CDH4: variants seen among roughly 807,000 people sequenced by gnomAD.
CDH4 encodes the protein cadherin 4.
CDH4 carries 33 observed loss-of-function variants against 86.0 expected under a neutral mutation model. That is an observed-to-expected ratio of 0.38 (90% CI 0.29 to 0.51). CDH4 has a LOEUF of 0.51. Ranked by LOEUF, CDH4 falls within the 20% of genes least tolerant of loss-of-function variation. CDH4 has a pLI of 0.86. For synonymous variants in CDH4, 555 were observed against 549.4 expected, an observed-to-expected ratio of 1.01 and a Z score of -0.14; for missense variants, 1,114 against 1,307.4, an observed-to-expected ratio of 0.85 and a Z score of 2.28.
At chr20:61,635,074 G>C (rs991107424) in intron 2 of CDH4, among the ~76,000 whole-genome samples, 35 of 152,208 alleles carry the variant, frequency 2.3e-4, no homozygotes, top group Non-Finnish European at 4.3e-4. Flanking sequence ...GCCACATTTT[G>C]GTGATGTGAA....
intron 2 of CDH4, among the ~76,000 whole-genome samples, chr20:61,512,359 A>T (rs76527146): frequency 3.3e-5 from 5 of 152,192 alleles, no homozygotes; most frequent in Admixed American, 3.3e-4. Context: ...ATTGTCCCGC[A>T]TGGAAAACAG....
chr20:61,904,206 G>A (rs1323172961), intron 8 of CDH4, among the ~76,000 whole-genome samples: 3 of 152,198 alleles, frequency 2.0e-5, no homozygotes, highest in African/African-American at 7.2e-5. Flanking sequence ...AGGGGCATGA[G>A]GATCAGCACG....
chr20:61,758,962 C>T (rs1443154499), intron 3 of CDH4, among the ~76,000 whole-genome samples: 1 of 151,662 alleles, frequency 6.6e-6, no homozygotes, highest in Non-Finnish European at 1.5e-5. Flanking sequence ...TGAGTGTGCA[C>T]ATGTGCGCAT....
rs527710910 is a variant in CDH4, at chr20:61,582,102, G to C, written c.170-161461G>C. 6.6e-6 allele frequency among the ~76,000 whole-genome samples: 1 copy of C among 152,168 alleles called. No individual in the cohort carries two copies. Among genetic ancestry groups the C allele is most frequent in the Non-Finnish European group, 1.5e-5 (1 of 68,020 alleles). ...ATCCACTCCCTGTTTTACTTTGCTC[G>C]TGGCCATCATTACCATTGGCGGCAT... On this transcript the variant is annotated intron_variant, in intron 2 of 15. Transcript: ENST00000614565. The surrounding 1 kb of genome is among the most constrained non-coding windows in gnomAD (Gnocchi z 4.2).
chr20:61,745,091 C>T (rs948017929), intron 3 of CDH4, among the ~76,000 whole-genome samples: 9 of 152,210 alleles, frequency 5.9e-5, no homozygotes, highest in South Asian at 4.1e-4. Context: ...GTTTGAGATA[C>T]GGTGAGCAAA....
At chr20:61,798,967 T>C (rs1169952418) in intron 4 of CDH4, among the ~76,000 whole-genome samples, 1 of 152,254 alleles carries the variant, frequency 6.6e-6, no homozygotes, top group Non-Finnish European at 1.5e-5. Flanking sequence ...AGCTACTGTG[T>C]TGTGATCAAC....
At chr20:61,257,171 G>C (rs1049052687) in intron 2 of CDH4, among the ~76,000 whole-genome samples, 1 of 152,190 alleles carries the variant, frequency 6.6e-6, no homozygotes, top group Non-Finnish European at 1.5e-5. Context: ...TCACAGAGTG[G>C]CCATGTTCCT....
At chr20:61,687,796 C>T (rs772125397) in intron 2 of CDH4, among the ~76,000 whole-genome samples, 17 of 152,112 alleles carry the variant, frequency 1.1e-4, no homozygotes, top group Non-Finnish European at 1.9e-4. Context: ...ATGTGGTCCG[C>T]GGACTACAAT....
At position 61,269,879 on chromosome 20, in the gene CDH4, A is replaced by G. The variant is rs995411654; in HGVS notation, c.169+14942A>G. ...TCCAGAGCCAGTGGTACTCATTTCC[A>G]CATGGCCCCGGCTGTTGACGATGAC... On this transcript the variant is annotated intron_variant, in intron 2 of 15. Coordinates refer to ENST00000614565, the MANE Select transcript of CDH4 (RefSeq NM_001794.5). The surrounding 1 kb of genome is among the most constrained non-coding windows in gnomAD (Gnocchi z 5.3). 2.6e-5 allele frequency among the ~76,000 whole-genome samples: 4 copies of G among 152,146 alleles called. No individual in the cohort carries two copies. Among genetic ancestry groups the G allele is most frequent in the African/African-American group, 9.7e-5 (4 of 41,418 alleles).
intron 4 of CDH4, among the ~76,000 whole-genome samples, chr20:61,785,514 C>T (rs919939002): frequency 2.0e-5 from 3 of 152,188 alleles, no homozygotes; most frequent in East Asian, 1.9e-4. Context: ...CAGGTAGGAT[C>T]GTCTGGTGGA....
intron 2 of CDH4, among the ~76,000 whole-genome samples, chr20:61,569,558 A>G (rs1043490523): frequency 6.6e-6 from 1 of 152,196 alleles, no homozygotes; most frequent in African/African-American, 2.4e-5. Context: ...TAGATACTTC[A>G]GCATGTATTT....
intron 2 of CDH4, among the ~76,000 whole-genome samples, chr20:61,605,585 C>G (rs2086638211): frequency 6.6e-6 from 1 of 151,604 alleles, no homozygotes; most frequent in Non-Finnish European, 1.5e-5. Flanking sequence ...CTCTGCCTCC[C>G]TGTCTCTCCC....
intron 2 of CDH4, among the ~76,000 whole-genome samples, chr20:61,551,692 A>G (rs1338043915): frequency 1.3e-5 from 2 of 152,190 alleles, no homozygotes; most frequent in Non-Finnish European, 2.9e-5. Context: ...ATGAAAACAC[A>G]CTACTGTGAA....
chr20:61,591,197 A>AT (rs1272178080), intron 2 of CDH4, among the ~76,000 whole-genome samples: 1 of 152,210 alleles, frequency 6.6e-6, no homozygotes, highest in Non-Finnish European at 1.5e-5. Flanking sequence ...GGATCTATTG[A>AT]TTGACAAGTA....
chr20:61,343,915 G>A (rs1194606695), intron 2 of CDH4, among the ~76,000 whole-genome samples: 1 of 151,938 alleles, frequency 6.6e-6, no homozygotes, highest in African/African-American at 2.4e-5. Flanking sequence ...ACACTACAGG[G>A]GCCAAGATTA....
intron 2 of CDH4, among the ~76,000 whole-genome samples, chr20:61,461,625 C>A (rs185158403): frequency 1.3e-5 from 2 of 152,016 alleles, no homozygotes; most frequent in African/African-American, 4.8e-5. Flanking sequence ...TGGCCCGCAA[C>A]GGGGGAGTGA....
At chr20:61,525,297 C>T (rs1453233180) in intron 2 of CDH4, among the ~76,000 whole-genome samples, 2 of 152,144 alleles carry the variant, frequency 1.3e-5, no homozygotes, top group Admixed American at 6.5e-5. Context: ...TTTAGAGAAG[C>T]CCCAGGAGAA....
chr20:61,578,368 A>T (rs927472778), intron 2 of CDH4, among the ~76,000 whole-genome samples: 1 of 152,176 alleles, frequency 6.6e-6, no homozygotes, highest in African/African-American at 2.4e-5. Context: ...AGATTCTCAT[A>T]CCATAGCATT....
chr20:61,295,820 C>T (rs945168149), intron 2 of CDH4, among the ~76,000 whole-genome samples: 10 of 152,324 alleles, frequency 6.6e-5, no homozygotes, highest in Middle Eastern at 3.4e-3. Flanking sequence ...CTCACTCACT[C>T]CCCAGGGCGG....
Sources: allele counts gnomAD v4.1 joint callset (sites outside exome capture counted in the v4.1 genomes callset), GRCh38; gene constraint gnomAD v4.1.1; non-coding constraint Gnocchi (gnomAD v3.1); transcripts MANE v1.5; gene names NCBI Gene and HGNC (gene_info 2026-07-23, HGNC 2026-07-21).